DOCK8: variants seen among roughly 807,000 people sequenced by gnomAD.
The protein encoded by DOCK8 is dedicator of cytokinesis protein 8.
Under a neutral mutation model 245.6 loss-of-function variants are expected in DOCK8, and 141 were observed. That is an observed-to-expected ratio of 0.57 (90% CI 0.50 to 0.66). DOCK8 has a LOEUF of 0.66. DOCK8 is among the 30% of genes least tolerant of loss of function. DOCK8 has a pLI of 0.00. For synonymous variants in DOCK8, 1,168 were observed against 970.2 expected (o/e 1.20, Z -3.79); for missense variants, 2,965 against 2,603.4 (o/e 1.14, Z -3.02).
intron 1 of DOCK8, among the ~76,000 whole-genome samples, chr9:229,420 G>C (rs753195331): frequency 6.6e-6 from 1 of 152,158 alleles, no homozygotes; most frequent in Non-Finnish European, 1.5e-5. Context: ...CTGGAGGCAG[G>C]TATATGAACT....
intron 22 of DOCK8, 26 bp downstream of exon 22, chr9:382,711 G>C: frequency 6.2e-7 from 1 of 1,613,340 alleles, no homozygotes; most frequent in Middle Eastern, 1.6e-4. Flanking sequence ...AACCGTGGAA[G>C]GGGACACAGG....
intron 2 of DOCK8, among the ~76,000 whole-genome samples, chr9:284,902 C>A (rs1254615273): frequency 6.6e-6 from 1 of 152,002 alleles, no homozygotes; most frequent in African/African-American, 2.4e-5. Flanking sequence ...GAGAACTTAC[C>A]AACACAAAGA....
In DOCK8 at chr9:371,696, A is replaced by G. The variant is rs187128635; in HGVS notation, c.2007+130A>G. The G allele has an allele frequency of 6.7e-5, 84 of 1,257,528 alleles. No individual in the cohort carries two copies. In the Admixed American group the frequency reaches 1.6e-3, roughly 25 times the overall value. 77.9% of individuals were successfully genotyped at this position (1,257,528 alleles called of 1,614,324 possible). On this transcript the variant is annotated intron_variant, in intron 17 of 47. Coordinates refer to ENST00000432829, the MANE Select transcript of DOCK8 (RefSeq NM_203447.4). Reference sequence around the variant, plus strand: ...GAAGTAGCAAAACATGCTAAGCCACATTATAGCAAGAGGCAGAAATGATTT... The same window carrying G: ...GAAGTAGCAAAACATGCTAAGCCACGTTATAGCAAGAGGCAGAAATGATTT...
At chr9:431,466 T>C (rs2056709719) in intron 36 of DOCK8, among the ~76,000 whole-genome samples, 1 of 152,148 alleles carries the variant, frequency 6.6e-6, no homozygotes. Context: ...ACCTTGTTGC[T>C]TACCCGGAGT....
chr9:334,420 C>T, intron 11 of DOCK8, 36 bp downstream of exon 11: 3 of 1,605,780 alleles, frequency 1.9e-6, no homozygotes, highest in Non-Finnish European at 2.6e-6. Flanking sequence ...AGGGAGGGCT[C>T]CCCAGTGTGC....
chr9:432,140 C>CT (rs34439675), intron 36 of DOCK8, 26 bp from the exon 37 acceptor site: 3,655 of 1,464,710 alleles, frequency 2.5e-3, no homozygotes, highest in South Asian at 6.3e-3. Flanking sequence ...TTTACTTCAT[C>CT]TTTTTTTTTT....
chr9:442,133 T>C (rs1173119853), intron 42 of DOCK8, 124 bp downstream of exon 42: 3 of 1,398,692 alleles, frequency 2.1e-6, no homozygotes, highest in African/African-American at 1.4e-5. Flanking sequence ...CATAAAGTTT[T>C]CCCCTTTGCA....
At position 247,568 on chromosome 9, in the gene DOCK8, C is replaced by G. The variant is rs551774561; in HGVS notation, c.54-24059C>G. On this transcript the variant is annotated intron_variant, in intron 1 of 47. Transcript: ENST00000432829. ...TGTTTGTTTGAGAGGGAGTCTCGCT[C>G]TGTCGCCCAGGCTGAAGTGCAGTGA... Among the ~76,000 whole-genome samples, 31 of 152,242 alleles carry G rather than the reference C, an allele frequency of 2.0e-4. No homozygotes were observed. In the East Asian group the frequency reaches 5.6e-3, roughly 27 times the overall value.
chr9:360,067 A>T (rs1262846858), intron 14 of DOCK8, among the ~76,000 whole-genome samples: 1 of 152,044 alleles, frequency 6.6e-6, no homozygotes, highest in Non-Finnish European at 1.5e-5. Flanking sequence ...TGTAATCCCA[A>T]CATTTTGGGA....
intron 6 of DOCK8, among the ~76,000 whole-genome samples, chr9:313,391 C>T (rs2050209359): frequency 6.6e-6 from 1 of 152,226 alleles, no homozygotes. Flanking sequence ...GATTGGGGTC[C>T]TGAATTTACT....
Position 333,099 on chromosome 9 carries a change from C to T in DOCK8, c.1125+621C>T, listed in dbSNP as rs556276014. Among the ~76,000 whole-genome samples the T allele has an allele frequency of 3.6e-4, 55 of 152,270 alleles. 1 individual carries two copies. The Middle Eastern group carries it at 0.01, about 28-fold the overall frequency. On this transcript the variant is annotated intron_variant, in intron 10 of 47. Coordinates refer to ENST00000432829, the MANE Select transcript of DOCK8 (RefSeq NM_203447.4). ...CTCTGACTCAGCTGGTTGGGAGGTC[C>T]GTGGAGACCCCAAAACTAAACAGTG... is the stretch of plus-strand genomic sequence containing the variant.
At chr9:220,325 A>G (rs889895999) in intron 1 of DOCK8, among the ~76,000 whole-genome samples, 2 of 152,296 alleles carry the variant, frequency 1.3e-5, no homozygotes, top group Middle Eastern at 3.4e-3. Context: ...AATTTTCTTC[A>G]TTTGGAGTTC....
In DOCK8 at chr9:433,224, GGTCTTCA is replaced by G. The variant is rs543696130; in HGVS notation, c.4786-648_4786-642del. 2.6e-3 allele frequency among the ~76,000 whole-genome samples: 390 copies of G among 152,194 alleles called. 3 individuals carry two copies. The highest frequency in any genetic ancestry group is 8.5e-3 in the African/African-American group (352 of 41,512). Reference sequence around the variant, plus strand: ...ATCAAACTATGGGCAGTTTAATAAAGGTCTTCAGTGCCTTCACCCAATGAAATGACTC... The same window carrying G: ...ATCAAACTATGGGCAGTTTAATAAAGGTGCCTTCACCCAATGAAATGACTC... On this transcript the variant is annotated intron_variant, in intron 37 of 47. Transcript: ENST00000432829.
intron 1 of DOCK8, chr9:215,515 C>T: frequency 8.9e-6 from 12 of 1,345,720 alleles, no homozygotes; most frequent in Non-Finnish European, 1.1e-5. Context: ...AGGCTCCGTC[C>T]TCGCCTGCTT....
intron 39 of DOCK8, among the ~76,000 whole-genome samples, chr9:438,094 T>C (rs1266743457): frequency 6.6e-6 from 1 of 152,252 alleles, no homozygotes; most frequent in African/African-American, 2.4e-5. Flanking sequence ...AGCCTCCTCC[T>C]ATATTCCTAA....
intron 2 of DOCK8, among the ~76,000 whole-genome samples, chr9:276,190 C>T (rs1002944902): frequency 6.9e-6 from 1 of 145,262 alleles, no homozygotes; most frequent in Non-Finnish European, 1.5e-5. Flanking sequence ...TGCGCTCGGC[C>T]CATTTAAAAA....
At chr9:437,856 C>A (rs1274082897) in intron 39 of DOCK8, among the ~76,000 whole-genome samples, 1 of 152,214 alleles carries the variant, frequency 6.6e-6, no homozygotes, top group Non-Finnish European at 1.5e-5. Context: ...CCTCCCTGAT[C>A]CTGAAGCCAA....
chr9:441,942 A>G lies in DOCK8; in HGVS notation c.5423A>G (p.Asp1808Gly). The G allele has an allele frequency of 6.2e-7, 1 of 1,614,132 alleles. No homozygotes were observed. The highest frequency in any genetic ancestry group is 8.5e-7 in the Non-Finnish European group (1 of 1,180,028). ...TTTGGATCCAAATTTGGGGATTTGG[A>G]TGAACAGGAGTTTGTCTACAAAGAG... ...GFFGSKFGDL[D>G]EQEFVYKEPA... Residue 1808 changes from aspartate (D) to glycine (G), a missense_variant, in exon 42 of 48, where the codon GAT becomes GGT. Coordinates refer to ENST00000432829, the MANE Select transcript of DOCK8 (RefSeq NM_203447.4).
At position 274,187 on chromosome 9, in the gene DOCK8, C is replaced by T. The variant is rs77710773; in HGVS notation, c.156+2458C>T. On this transcript the variant is annotated intron_variant, in intron 2 of 47. Transcript: ENST00000432829. ...AATTACTACCTTAGCCGGGTAGTGACGTTAACATGTGGCTTAGCTGTCCAT... is the reference window on the plus strand; with the variant it reads ...AATTACTACCTTAGCCGGGTAGTGATGTTAACATGTGGCTTAGCTGTCCAT... Among the ~76,000 whole-genome samples, 791 of 152,224 alleles carry T rather than the reference C, an allele frequency of 5.2e-3. 2 individuals carry two copies. Among genetic ancestry groups the T allele is most frequent in the Non-Finnish European group, 6.6e-3 (447 of 68,012 alleles).
Sources: gnomAD v4.1 joint callset for allele counts (sites outside exome capture counted in the v4.1 genomes callset) on GRCh38, gnomAD v4.1.1 for gene constraint, MANE v1.5 for transcripts, NCBI Gene and HGNC (gene_info 2026-07-23, HGNC 2026-07-21) for gene names.